Variants in SDC4 observed in about 807,000 individuals in gnomAD.
SDC4 encodes syndecan 4.
SDC4 carries 17 observed loss-of-function variants against 20.5 expected under a neutral mutation model. The ratio of observed to expected loss-of-function variants is 0.83; its 90% CI spans 0.57 to 1.25. The LOEUF is 1.25. Among genes scored for constraint, SDC4 ranks in the 50% most tolerant of loss-of-function variants. SDC4 has a pLI of 0.00. For missense variants in SDC4, 241 were observed against 252.3 expected (o/e 0.96, Z 0.30); for synonymous variants, 107 against 105.3 (o/e 1.02, Z -0.10).
At position 45,335,862 on chromosome 20, in the gene SDC4, C is replaced by G. The variant is rs1178528779; in HGVS notation, c.119G>C (p.Gly40Ala). The G allele has an allele frequency of 3.7e-6, 6 of 1,613,916 alleles. No homozygotes were observed. Among genetic ancestry groups the G allele is most frequent in the South Asian group, 1.1e-5 (1 of 91,080 alleles). Reference protein sequence around the residue: ...QDLLEGRYFSGALPDDEDVVG... With the variant: ...QDLLEGRYFSAALPDDEDVVG... ...TACATCCTCATCGTCTGGTAGGGCT[C>G]CGGAGAAGTATCGGCCTTCTAGGAG... Residue 40 changes from glycine to alanine, a missense_variant, in exon 2 of 5, where the codon GGA becomes GCA. Transcript: ENST00000372733.
In SDC4 at chr20:45,325,631, C is replaced by T. The variant is rs914808626; in HGVS notation, c.*1633G>A. On this transcript the variant is annotated 3_prime_UTR_variant, in exon 5 of 5. Transcript: ENST00000372733. Reference sequence around the variant, plus strand: ...CCTCATCAGCCCTCCCCCATTCCCCCCCCCCTACCCAGGGAGACAAGGGTC... The same window carrying T: ...CCTCATCAGCCCTCCCCCATTCCCCTCCCCCTACCCAGGGAGACAAGGGTC... 1.2e-5 allele frequency: 1 copy of T among 86,472 alleles called. No homozygotes were observed. The highest frequency in any genetic ancestry group is 5.6e-5 in the African/African-American group (1 of 17,946). 5.4% of individuals were successfully genotyped at this position (86,472 alleles called of 1,614,324 possible).
At chr20:45,330,603 T>C in intron 3 of SDC4, 39 bp from the exon 4 acceptor site, 1 of 1,587,074 alleles carries the variant, frequency 6.3e-7, no homozygotes, top group Non-Finnish European at 8.6e-7. Flanking sequence ...TCAGCGTATT[T>C]TGGAAGAGAC....
At chr20:45,346,244 C>T (rs1988030360) in intron 1 of SDC4, among the ~76,000 whole-genome samples, 1 of 152,182 alleles carries the variant, frequency 6.6e-6, no homozygotes, top group Admixed American at 6.5e-5. Context: ...TTTTTCCAAC[C>T]ACAATCTAGA....
Position 45,327,121 on chromosome 20 carries a change from T to C in SDC4, c.*143A>G. 2 of 818,030 alleles carry C rather than the reference T, an allele frequency of 2.4e-6. No individual in the cohort carries two copies. The highest frequency in any genetic ancestry group is 3.8e-6 in the Non-Finnish European group (2 of 528,594). The allele number at this position is 818,030 out of a possible 1,614,324, so 50.7% of individuals were successfully genotyped here. On this transcript the variant is annotated 3_prime_UTR_variant, in exon 5 of 5. Transcript: ENST00000372733. ...GCAGAACAGTAGAAGACAATGTCTC[T>C]TCTGAACACTTCAAAGGTAATCAGA...
chr20:45,343,258 T>C (rs1181349893), intron 1 of SDC4, among the ~76,000 whole-genome samples: 1 of 152,104 alleles, frequency 6.6e-6, no homozygotes, highest in Non-Finnish European at 1.5e-5. Context: ...CTCTCCTCCC[T>C]CTCTAGGGCA....
chr20:45,343,130 T>G (rs141531236), intron 1 of SDC4, among the ~76,000 whole-genome samples: 1 of 152,192 alleles, frequency 6.6e-6, no homozygotes, highest in East Asian at 1.9e-4. Context: ...GAGGCCCCAG[T>G]GAGATGCAAG....
At chr20:45,332,947 C>A in intron 3 of SDC4, 76 bp downstream of exon 3, 1 of 1,343,378 alleles carries the variant, frequency 7.4e-7, no homozygotes, top group Non-Finnish European at 1.1e-6. Context: ...CCTATGGGGG[C>A]TGTATTTTCT....
intron 1 of SDC4, among the ~76,000 whole-genome samples, chr20:45,338,111 A>G (rs1226198930): frequency 2.6e-5 from 4 of 152,150 alleles, no homozygotes; most frequent in Non-Finnish European, 5.9e-5. Context: ...CCAAGAACCC[A>G]AGTGACAGGC....
chr20:45,334,293 G>A (rs1177235260), intron 2 of SDC4, among the ~76,000 whole-genome samples: 4 of 151,878 alleles, frequency 2.6e-5, no homozygotes, highest in Non-Finnish European at 5.9e-5. Flanking sequence ...CACCGCGCCC[G>A]GCCAAAATCT....
intron 1 of SDC4, among the ~76,000 whole-genome samples, chr20:45,346,988 C>G (rs138815654): frequency 1.3e-5 from 2 of 152,296 alleles, no homozygotes; most frequent in African/African-American, 2.4e-5. Flanking sequence ...GTTACTTAAC[C>G]TCTCTAGCCT....
chr20:45,342,392 C>A (rs1987966021), intron 1 of SDC4, among the ~76,000 whole-genome samples: 1 of 152,226 alleles, frequency 6.6e-6, no homozygotes, highest in African/African-American at 2.4e-5. Context: ...CATCTGCCCC[C>A]ACGCCCAGAG....
At position 45,330,510 on chromosome 20, in the gene SDC4, T is replaced by C; in HGVS notation, c.301A>G (p.Thr101Ala). The C allele has an allele frequency of 6.2e-7, 1 of 1,614,176 alleles. No homozygotes were observed. Among genetic ancestry groups the C allele is most frequent in the Non-Finnish European group, 8.5e-7 (1 of 1,180,034 alleles). The change falls in exon 4 of 5, where the codon ACC (threonine) becomes GCC (alanine). Residue 101 changes from threonine (T) to alanine (A), a missense_variant. By Grantham distance (58) the Thr-to-Ala change is moderately conservative. Coordinates refer to ENST00000372733, the MANE Select transcript of SDC4 (RefSeq NM_002999.4). ...TTCTCCTCTAGTTTCTTGGGTTCGG[T>C]GGGGACTTGGCTCCCAGACCCTGCC... Reference protein sequence around the residue: ...ERAGSGSQVPTEPKKLEENEV... With the variant: ...ERAGSGSQVPAEPKKLEENEV...
intron 1 of SDC4, among the ~76,000 whole-genome samples, chr20:45,340,033 G>T (rs562542588): frequency 6.6e-6 from 1 of 152,298 alleles, no homozygotes; most frequent in African/African-American, 2.4e-5. Context: ...CTGGCTCCCA[G>T]ACTGGAATTA....
chr20:45,335,978 T>A (rs1020690530), intron 1 of SDC4, 58 bp from the exon 2 acceptor site: 48 of 1,578,694 alleles, frequency 3.0e-5, no homozygotes, highest in Non-Finnish European at 4.0e-5. Context: ...TGACAGCTGA[T>A]GCCCAAAAGC....
rs1288350289 is a variant in SDC4 at position 45,327,433 on chromosome 20, G to A, written c.446-18C>T. The stretch of plus-strand genomic sequence containing the variant: ...AATCAGAGCTGGAGAGGAGGAGAGA[G>A]AAGAGGCGGGGGTGAGAGCTCCTCA... On this transcript the variant is annotated intron_variant, in intron 4 of 4. Coordinates refer to ENST00000372733, the MANE Select transcript of SDC4 (RefSeq NM_002999.4). The A allele has an allele frequency of 2.5e-6, 4 of 1,608,688 alleles. No individual in the cohort carries two copies. The highest frequency in any genetic ancestry group is 2.6e-6 in the Non-Finnish European group (3 of 1,175,736).
chr20:45,342,601 T>G (rs1600734072), intron 1 of SDC4, among the ~76,000 whole-genome samples: 1 of 143,276 alleles, frequency 7.0e-6, no homozygotes, highest in South Asian at 2.3e-4. Flanking sequence ...GGGGGAGGGG[T>G]GAGATGCAGC....
intron 1 of SDC4, 98 bp from the exon 2 acceptor site, chr20:45,336,018 G>T (rs1361155422): frequency 7.2e-7 from 1 of 1,389,964 alleles, no homozygotes; most frequent in East Asian, 2.3e-5. Flanking sequence ...AAACTAGAAA[G>T]AGACCAGGCC....
chr20:45,333,157 C>T (rs2145709820), intron 2 of SDC4, 88 bp from the exon 3 acceptor site: 2 of 1,203,140 alleles, frequency 1.7e-6, no homozygotes, highest in Non-Finnish European at 1.2e-6. Context: ...CTCCACCTTA[C>T]AACCAGCTTC....
chr20:45,335,649 TGAGAAGGAAG>T, intron 2 of SDC4, 123 bp downstream of exon 2: 1 of 920,022 alleles, frequency 1.1e-6, no homozygotes, highest in South Asian at 1.6e-5. Context: ...CCCCTTTTTT[TGAGAAGGAAG>T]AAGGGCACTC....
Sources: allele counts gnomAD v4.1 joint callset (sites outside exome capture counted in the v4.1 genomes callset), GRCh38; gene constraint gnomAD v4.1.1; transcripts MANE v1.5; gene names NCBI Gene and HGNC (gene_info 2026-07-23, HGNC 2026-07-21).